The following BNC2 variants were observed in gnomAD, a reference collection of about 807,000 sequenced individuals.
BNC2 encodes basonuclin zinc finger protein 2.
Under a neutral mutation model 76.3 loss-of-function variants are expected in BNC2, and 20 were observed. The observed-to-expected ratio is 0.26, with a 90% CI of 0.18 to 0.38. BNC2 has a LOEUF of 0.38. BNC2 is among the 10% of genes least tolerant of loss of function. The pLI is 1.00. For missense variants in BNC2, 1,382 were observed against 1,399.8 expected (o/e 0.99, Z 0.20); for synonymous variants, 582 against 514.8 (o/e 1.13, Z -1.77).
chr9:16,784,487 C>A (rs2135577433), intron 1 of BNC2, among the ~76,000 whole-genome samples: 1 of 152,142 alleles, frequency 6.6e-6, no homozygotes, highest in Middle Eastern at 3.4e-3. Context: ...TCCTGGGAAA[C>A]AATATGGATA....
At chr9:16,452,468 G>C (rs1269477506) in intron 5 of BNC2, among the ~76,000 whole-genome samples, 1 of 152,064 alleles carries the variant, frequency 6.6e-6, no homozygotes, top group Non-Finnish European at 1.5e-5. Flanking sequence ...TGTCGCCCAG[G>C]CTGGAATGCA....
At chr9:16,543,254 C>A (rs984978431) in intron 5 of BNC2, among the ~76,000 whole-genome samples, 1 of 152,098 alleles carries the variant, frequency 6.6e-6, no homozygotes, top group African/African-American at 2.4e-5. Context: ...TAAGAAGGCA[C>A]CATCAAGAAA....
At chr9:16,739,972 G>A (rs1392263336) in intron 1 of BNC2, among the ~76,000 whole-genome samples, 1 of 151,774 alleles carries the variant, frequency 6.6e-6, no homozygotes, top group African/African-American at 2.4e-5. Context: ...GACTGATACT[G>A]AAGTTATCAC....
In BNC2 at chr9:16,663,130, C is replaced by CTTT. The variant is rs71325979; in HGVS notation, c.330+64664_330+64666dup. Reference sequence around the variant, plus strand: ...CCATAGGCACTCCACTCTGTTTACTCTTTTTTTTTTTTTTTTGGAGACGGA... The same window carrying CTTT: ...CCATAGGCACTCCACTCTGTTTACTCTTTTTTTTTTTTTTTTTTTGGAGACGGA... On this transcript the variant is annotated intron_variant, in intron 3 of 6. Transcript: ENST00000380672. Among the ~76,000 whole-genome samples, 19 of 99,612 alleles carry CTTT rather than the reference C, an allele frequency of 1.9e-4. 2 individuals carry two copies. The highest frequency in any genetic ancestry group is 2.8e-4 in the South Asian group (1 of 3,556). The allele number at this position is 99,612 out of a possible 152,430, so 65.3% of individuals were successfully genotyped here.
In BNC2 at chr9:16,412,372, C is replaced by A. The variant is rs1240779819; in HGVS notation, c.*6617G>T. 6.6e-6 allele frequency: 1 copy of A among 152,544 alleles called. No individual in the cohort carries two copies. Among genetic ancestry groups the A allele is most frequent in the Non-Finnish European group, 1.5e-5 (1 of 68,038 alleles). The allele number at this position is 152,544 out of a possible 1,614,324, so 9.4% of individuals were successfully genotyped here. A position where few individuals can be genotyped will look rare whatever the true frequency, so the allele number is the denominator to read the frequency against. On this transcript the variant is annotated 3_prime_UTR_variant, in exon 7 of 7. Transcript: ENST00000380672. Reference sequence around the variant, plus strand: ...GTGCGTAACCAGTTTACAACATGTGCACTTTTTGAAGGGGAAGAAAAATAT... The same window carrying A: ...GTGCGTAACCAGTTTACAACATGTGAACTTTTTGAAGGGGAAGAAAAATAT...
chr9:16,568,782 G>A (rs1952346), intron 4 of BNC2, among the ~76,000 whole-genome samples: 29,318 of 152,086 alleles, frequency 0.19, 5,249 homozygotes, highest in African/African-American at 0.47. Flanking sequence ...TCAGGAGATC[G>A]TGAAGGCAGG....
At chr9:16,762,583 C>G (rs868317292) in intron 1 of BNC2, among the ~76,000 whole-genome samples, 20 of 152,176 alleles carry the variant, frequency 1.3e-4, no homozygotes, top group African/African-American at 3.9e-4. Flanking sequence ...ACGAAGTAGA[C>G]TACAGCTACC....
intron 1 of BNC2, among the ~76,000 whole-genome samples, chr9:16,821,998 C>A (rs1818346214): frequency 6.8e-6 from 1 of 147,362 alleles, no homozygotes; most frequent in South Asian, 2.1e-4. Flanking sequence ...GAGGCTGAAG[C>A]AGGAGAATGG....
At chr9:16,613,156 T>C (rs375618361) in intron 3 of BNC2, among the ~76,000 whole-genome samples, 7 of 152,326 alleles carry the variant, frequency 4.6e-5, no homozygotes, top group South Asian at 2.1e-4. Context: ...TTATTTTAAA[T>C]TTGTGAACCA....
At chr9:16,726,759 A>AT (rs1824337113) in intron 3 of BNC2, 1 of 152,172 alleles carries the variant, frequency 6.6e-6, no homozygotes, top group African/African-American at 2.4e-5. Context: ...GGTTTGGTGT[A>AT]GGCTTTGGAA....
chr9:16,861,249 G>C (rs567004976), intron 1 of BNC2, among the ~76,000 whole-genome samples: 2 of 149,570 alleles, frequency 1.3e-5, no homozygotes, highest in South Asian at 4.2e-4. Flanking sequence ...AATTACTACG[G>C]AGGCTGAAGC....
intron 3 of BNC2, among the ~76,000 whole-genome samples, chr9:16,717,274 T>C (rs1824018718): frequency 6.6e-6 from 1 of 152,220 alleles, no homozygotes; most frequent in African/African-American, 2.4e-5. Context: ...TTCACATTAC[T>C]TTCTTTAAAA....
At chr9:16,525,505 C>T (rs1252026869) in intron 5 of BNC2, among the ~76,000 whole-genome samples, 1 of 152,084 alleles carries the variant, frequency 6.6e-6, no homozygotes, top group Non-Finnish European at 1.5e-5. Context: ...GGATGGTAAA[C>T]CTTACTCATT....
chr9:16,565,198 A>C (rs1175918321), intron 4 of BNC2, among the ~76,000 whole-genome samples: 1 of 152,018 alleles, frequency 6.6e-6, no homozygotes, highest in Non-Finnish European at 1.5e-5. Context: ...CTCTGTTCAA[A>C]ATTTCCAATG....
At chr9:16,801,506 G>A (rs929691686) in intron 1 of BNC2, among the ~76,000 whole-genome samples, 1 of 151,858 alleles carries the variant, frequency 6.6e-6, no homozygotes, top group Non-Finnish European at 1.5e-5. Context: ...AAAGTGCTGG[G>A]ATTACAGGCG....
chr9:16,651,599 G>A (rs1187123675), intron 3 of BNC2, among the ~76,000 whole-genome samples: 1 of 152,144 alleles, frequency 6.6e-6, no homozygotes, highest in Non-Finnish European at 1.5e-5. Context: ...TTACTGAAAA[G>A]GGTGATGTAT....
At chr9:16,510,384 G>A (rs1351015140) in intron 5 of BNC2, among the ~76,000 whole-genome samples, 1 of 152,202 alleles carries the variant, frequency 6.6e-6, no homozygotes, top group Admixed American at 6.5e-5. Flanking sequence ...AAAGCAAGGA[G>A]ATCCACTTAA....
At chr9:16,856,230 C>T (rs907499372) in intron 1 of BNC2, among the ~76,000 whole-genome samples, 17 of 151,886 alleles carry the variant, frequency 1.1e-4, no homozygotes, top group South Asian at 2.1e-4. Context: ...AAGCAGCAAA[C>T]TACCAGTTTC....
At chr9:16,580,878 T>A (rs1053013522) in intron 4 of BNC2, among the ~76,000 whole-genome samples, 6 of 152,218 alleles carry the variant, frequency 3.9e-5, no homozygotes, top group African/African-American at 1.4e-4. Context: ...AAGTAGGAAC[T>A]ATTAATCCTA....
Sources: allele counts gnomAD v4.1 joint callset (sites outside exome capture counted in the v4.1 genomes callset), GRCh38; gene constraint gnomAD v4.1.1; transcripts MANE v1.5; gene names NCBI Gene and HGNC (gene_info 2026-07-23, HGNC 2026-07-21).